The following HLA-F variants were observed in gnomAD, a reference collection of about 807,000 sequenced individuals.
HLA-F encodes HLA class I histocompatibility antigen, alpha chain F.
HLA-F carries 46 observed loss-of-function variants against 49.5 expected under a neutral mutation model. The ratio of observed to expected loss-of-function variants is 0.93; its 90% CI spans 0.73 to 1.19. The LOEUF (loss-of-function observed/expected upper bound fraction) is 1.19, where lower values mean the gene tolerates loss of function less well. Among genes scored for constraint, HLA-F ranks in the 50% most tolerant of loss-of-function variants. The pLI is 0.00. For synonymous variants in HLA-F, 203 were observed against 233.5 expected (o/e 0.87, Z 1.19); for missense variants, 496 against 579.6 (o/e 0.86, Z 1.48).
Position 29,724,170 on chromosome 6 carries a change from T to G in HLA-F, c.335-3T>G. 1 of 1,612,742 alleles carries G rather than the reference T, an allele frequency of 6.2e-7. No individual in the cohort carries two copies. Among genetic ancestry groups the G allele is most frequent in the Non-Finnish European group, 8.5e-7 (1 of 1,179,880 alleles). ...GGCGGGGCTGACTGCGGGGACCGGCTAGGGTCTCACACCCTCCAGGGAATG... is the reference window on the plus strand; with the variant it reads ...GGCGGGGCTGACTGCGGGGACCGGCGAGGGTCTCACACCCTCCAGGGAATG... On this transcript the variant is annotated splice_region_variant and splice_polypyrimidine_tract_variant and intron_variant, in intron 2 of 6. Coordinates refer to ENST00000259951, the MANE Select transcript of HLA-F (RefSeq NM_001098479.2).
downstream of HLA-F, chr6:29,728,239 C>G (rs1479254055): frequency 2.7e-6 from 1 of 369,852 alleles, no homozygotes; most frequent in African/African-American, 2.1e-5. Context: ...TGAGTACAAG[C>G]TTCCTTGAAC....
Position 29,727,024 on chromosome 6 carries a change from TG to T in HLA-F, c.1179del (p.Leu393PhefsTer41), listed in dbSNP as rs763709122. 2 of 1,613,520 alleles carry T rather than the reference TG, an allele frequency of 1.2e-6. No individual in the cohort carries two copies. Among genetic ancestry groups the T allele is most frequent in the Non-Finnish European group, 1.7e-6 (2 of 1,180,038 alleles). Reference protein sequence around the residue: ...GRRKVGDMWILFFLWLWTSFN... With the variant: ...GRRKVGDMWIXFFLWLWTSFN... ...CGGAAGGTGGGTGACATGTGGATCT[TG>T]TTTTTTTTGTGGCTGTGGACATCTT... On this transcript the variant is annotated frameshift_variant, in exon 7 of 7. Transcript: ENST00000259951. LOFTEE classifies it high-confidence loss of function.
chr6:29,727,070 C>T lies in HLA-F; in HGVS notation c.1224C>T (p.Ala408=), dbSNP rs557722203. The change falls in exon 7 of 7, where the codon GCC becomes GCT. Residue 408 remains alanine (A), a synonymous_variant. Coordinates refer to ENST00000259951, the MANE Select transcript of HLA-F (RefSeq NM_001098479.2). ...CATCTTTCAACACTGCCTTCTTGGC[C>T]TTGCAAAGCCTTCGCTTTGGCTTCG... ...LWTSFNTAFL[A]LQSLRFGFGF... is the part of the protein sequence containing the mutation. The T allele has an allele frequency of 6.2e-7, 1 of 1,613,200 alleles. No individual in the cohort carries two copies. The highest frequency in any genetic ancestry group is 1.1e-5 in the South Asian group (1 of 91,072).
chr6:29,730,563 C>T (rs556061859), downstream of HLA-F, among the ~76,000 whole-genome samples: 1 of 152,062 alleles, frequency 6.6e-6, no homozygotes, highest in Non-Finnish European at 1.5e-5. Context: ...GTATGTTTTA[C>T]CACAATATTA....
Position 29,723,950 on chromosome 6 carries a change from G to T in HLA-F, c.334+23G>T, listed in dbSNP as rs1193177003. 10 of 1,579,654 alleles carry T rather than the reference G, an allele frequency of 6.3e-6. No homozygotes were observed. The African/African-American group carries it at 6.8e-5, about 11-fold the overall frequency. On this transcript the variant is annotated intron_variant, in intron 2 of 6. Coordinates refer to ENST00000259951, the MANE Select transcript of HLA-F (RefSeq NM_001098479.2). The stretch of plus-strand genomic sequence containing the variant: ...CTGGTGAGTGAACCCGGCCGGGGGC[G>T]CAGGTCACGACCACCCCCCATCCGC...
intron 3 of HLA-F, chr6:29,736,583 C>T: frequency 2.9e-6 from 1 of 344,734 alleles, no homozygotes; most frequent in South Asian, 2.3e-5. Context: ...AAATAGCAGC[C>T]ACATCAAGGA....
At chr6:29,726,162 T>G (rs1402929147) in intron 6 of HLA-F, 119 bp downstream of exon 6, 1 of 1,088,712 alleles carries the variant, frequency 9.2e-7, no homozygotes. Flanking sequence ...CCAGGTCCTG[T>G]TTTTGTTCTA....
At chr6:29,732,119 C>A (rs1353585055), downstream of HLA-F, among the ~76,000 whole-genome samples, 4 of 137,104 alleles carry the variant, frequency 2.9e-5, no homozygotes, top group Non-Finnish European at 6.4e-5. Context: ...CTCATGCCAC[C>A]ATGCCCAGCT....
intron 1 of HLA-F, 35 bp downstream of exon 1, chr6:29,723,562 G>C: frequency 6.2e-7 from 1 of 1,603,748 alleles, no homozygotes; most frequent in Non-Finnish European, 8.5e-7. Context: ...CGGCCTCTGT[G>C]GGGAGGAGTG....
Position 29,724,386 on chromosome 6 carries a change from G to A in HLA-F, c.548G>A (p.Gly183Asp), listed in dbSNP as rs1378517688. 3 of 1,613,146 alleles carry A rather than the reference G, an allele frequency of 1.9e-6. No individual in the cohort carries two copies. Among genetic ancestry groups the A allele is most frequent in the African/African-American group, 2.7e-5 (2 of 74,936 alleles). ...GAGGAGTTCAGGACCTACCTGGAGGGCGAGTGCCTGGAGTTGCTCCGCAGA... is the reference window on the plus strand; with the variant it reads ...GAGGAGTTCAGGACCTACCTGGAGGACGAGTGCCTGGAGTTGCTCCGCAGA... ...YAEEFRTYLE[G>D]ECLELLRRYL... The change falls in exon 3 of 7, where the codon GGC (glycine) becomes GAC (aspartate). Residue 183 changes from glycine to aspartate, a missense_variant. Gly to Asp is a moderately conservative substitution (Grantham distance 94). Transcript: ENST00000259951.
chr6:29,736,484 A>C (rs1450191900), intron 3 of HLA-F: 1 of 438,066 alleles, frequency 2.3e-6, no homozygotes, highest in Non-Finnish European at 4.5e-6. Flanking sequence ...AACATCAGAA[A>C]TGTATACTTG....
chr6:29,728,098 G>A (rs759703394), downstream of HLA-F: 1 of 518,778 alleles, frequency 1.9e-6, no homozygotes, highest in Non-Finnish European at 3.8e-6. Context: ...AGCATCTTGT[G>A]GGGAATGACC....
chr6:29,729,904 T>G (rs4713237), downstream of HLA-F, among the ~76,000 whole-genome samples: 32,911 of 152,184 alleles, frequency 0.22, 3,753 homozygotes, highest in East Asian at 0.36. Flanking sequence ...ATGCTGAACT[T>G]CACTAGTCCA....
rs879191489 is a variant in HLA-F at position 29,735,349 on chromosome 6, A to ATGTGTG, written c.404-2770_404-2769insGTGTGT. On this transcript the variant is annotated intron_variant, in intron 3 of 4. Transcript: ENST00000465459. ...TGTATAGTCATATATATGTATATAT[A>ATGTGTG]TGTATATATATGTGTGTATATATAT... 197 of 120,186 alleles carry ATGTGTG rather than the reference A, an allele frequency of 1.6e-3. 2 individuals are homozygous for ATGTGTG. The highest frequency in any genetic ancestry group is 5.2e-3 in the Admixed American group (62 of 11,878). The allele number at this position is 120,186 out of a possible 1,614,324, so 7.4% of individuals were successfully genotyped here.
intron 3 of HLA-F, chr6:29,736,412 C>G: frequency 2.2e-6 from 1 of 453,490 alleles, no homozygotes. Flanking sequence ...TTTTCCAATG[C>G]AGCATTTCTA....
intron 1 of HLA-F, 31 bp downstream of exon 1, chr6:29,723,558 C>G: frequency 1.4e-5 from 23 of 1,605,800 alleles, no homozygotes; most frequent in Non-Finnish European, 2.0e-5. Context: ...GAAACGGCCT[C>G]TGTGGGGAGG....
At chr6:29,725,664 C>T (rs1266340715) in intron 5 of HLA-F, 101 bp downstream of exon 5, 2 of 1,002,158 alleles carry the variant, frequency 2.0e-6, no homozygotes, top group Non-Finnish European at 3.1e-6. Context: ...GAAGCACCAT[C>T]CACACTCATG....
In HLA-F at chr6:29,734,700, T is replaced by C. The variant is rs537664472; in HGVS notation, c.404-3422T>C. Among the ~76,000 whole-genome samples the C allele has an allele frequency of 2.8e-4, 42 of 152,290 alleles. 1 individual carries two copies. The South Asian group carries it at 8.3e-3, about 30-fold the overall frequency. On this transcript the variant is annotated intron_variant, in intron 3 of 4. Transcript: ENST00000465459. ...ATTTACCACTGTACCCATTGTACAA[T>C]AGGTGTACAATGCAGTGACAATTAG...
chr6:29,738,530 A>G (rs1262166675), downstream of HLA-F: 1 of 152,282 alleles, frequency 6.6e-6, no homozygotes, highest in Non-Finnish European at 1.5e-5. Flanking sequence ...CATAATAAGT[A>G]AACATTTACA....
Sources: gnomAD v4.1 joint callset for allele counts (sites outside exome capture counted in the v4.1 genomes callset) on GRCh38, gnomAD v4.1.1 for gene constraint, MANE v1.5 for transcripts, NCBI Gene and HGNC (gene_info 2026-07-23, HGNC 2026-07-21) for gene names.